The following MCM8 variants were observed in gnomAD, a reference collection of about 807,000 sequenced individuals.
MCM8 encodes minichromosome maintenance 8 homologous recombination repair factor.
Under a neutral mutation model 98.9 loss-of-function variants are expected in MCM8, and 85 were observed. The ratio of observed to expected loss-of-function variants is 0.86; its 90% CI spans 0.72 to 1.03. The LOEUF is 1.03. Ranked by LOEUF, MCM8 falls within the 50% of genes least tolerant of loss-of-function variation. MCM8 has a pLI of 0.00. For synonymous variants in MCM8, 352 were observed against 338.6 expected, an observed-to-expected ratio of 1.04 and a Z score of -0.44; for missense variants, 951 against 997.8, an observed-to-expected ratio of 0.95 and a Z score of 0.63.
At chr20:5,964,087 A>G (rs909390528) in intron 8 of MCM8, among the ~76,000 whole-genome samples, 3 of 149,656 alleles carry the variant, frequency 2.0e-5, no homozygotes, top group Non-Finnish European at 3.0e-5. Flanking sequence ...CAATGTTGCA[A>G]TGGGGCATTT....
chr20:5,976,313 A>G (rs1202720801), intron 12 of MCM8, among the ~76,000 whole-genome samples: 1 of 152,188 alleles, frequency 6.6e-6, no homozygotes, highest in African/African-American at 2.4e-5. Flanking sequence ...AGTCCCAGCT[A>G]CTAGGGAAGC....
chr20:5,994,981 G>T lies in MCM8; in HGVS notation c.*590G>T. ...AAATAAATTCTCCAAAGGGCTAAAA[G>T]TAAATTACTTATAAATTTTTTATAG... On this transcript the variant is annotated 3_prime_UTR_variant, in exon 19 of 19. Coordinates refer to ENST00000610722, the MANE Select transcript of MCM8 (RefSeq NM_032485.6). 1.1e-5 allele frequency: 2 copies of T among 174,244 alleles called. No homozygotes were observed. Among genetic ancestry groups the T allele is most frequent in the South Asian group, 1.1e-4 (1 of 8,934 alleles). The allele number at this position is 174,244 out of a possible 1,614,324, so 10.8% of individuals were successfully genotyped here. A position where few individuals can be genotyped will look rare whatever the true frequency, so the allele number is the denominator to read the frequency against.
intron 9 of MCM8, 98 bp from the exon 10 acceptor site, chr20:5,967,731 GT>G: frequency 7.4e-7 from 1 of 1,348,690 alleles, no homozygotes; most frequent in Non-Finnish European, 1.0e-6. Context: ...AAAAAAACAT[GT>G]ATTTGTAGCT....
At chr20:5,966,427 A>AT (rs2089275972) in intron 8 of MCM8, among the ~76,000 whole-genome samples, 1 of 151,760 alleles carries the variant, frequency 6.6e-6, no homozygotes, top group African/African-American at 2.4e-5. Context: ...TAAATGCTTG[A>AT]TTTTTATATA....
chr20:5,967,773 GTCA>G (rs745762158), intron 9 of MCM8, 54 bp from the exon 10 acceptor site: 735 of 1,420,006 alleles, frequency 5.2e-4, no homozygotes, highest in Admixed American at 7.8e-4. Context: ...TTCTAGTTGA[GTCA>G]TTGTAGGGAA....
At chr20:5,951,607 C>T (rs1482333145) in intron 1 of MCM8, among the ~76,000 whole-genome samples, 1 of 152,180 alleles carries the variant, frequency 6.6e-6, no homozygotes, top group African/African-American at 2.4e-5. Context: ...CCTAGTGTCT[C>T]ACAGGCCAGA....
rs1485857726 is a variant in MCM8, at chr20:5,996,882, A to C, written c.*2491A>C. 1.3e-5 allele frequency: 2 copies of C among 152,194 alleles called. No individual in the cohort carries two copies. Among genetic ancestry groups the C allele is most frequent in the Admixed American group, 1.3e-4 (2 of 15,268 alleles). 9.4% of individuals were successfully genotyped at this position (152,194 alleles called of 1,614,324 possible). On this transcript the variant is annotated 3_prime_UTR_variant, in exon 19 of 19. Coordinates refer to ENST00000610722, the MANE Select transcript of MCM8 (RefSeq NM_032485.6). The stretch of plus-strand genomic sequence containing the variant: ...TACAGTCCCTCCAACCACAAACCCC[A>C]ACATATAGTATTTCACTTCCTGCCC...
intron 12 of MCM8, among the ~76,000 whole-genome samples, chr20:5,975,960 G>A (rs1198761234): frequency 6.6e-6 from 1 of 152,014 alleles, no homozygotes; most frequent in African/African-American, 2.4e-5. Context: ...TAATGTTAGT[G>A]GAAATTAAAC....
At chr20:5,969,268 T>C (rs2089347167) in intron 10 of MCM8, among the ~76,000 whole-genome samples, 3 of 152,104 alleles carry the variant, frequency 2.0e-5, no homozygotes, top group Admixed American at 1.3e-4. Flanking sequence ...GGTAAAGAAC[T>C]GAGAACGTTT....
chr20:5,967,983 A>G lies in MCM8; in HGVS notation c.1181A>G (p.Gln394Arg). The change falls in exon 10 of 19, where the codon CAA becomes CGA. Residue 394 changes from glutamine (Q) to arginine (R), a missense_variant. By Grantham distance (43) the Gln-to-Arg change is conservative. Transcript: ENST00000610722. ...TCACTTAAAGACCTTTATGCCATCC[A>G]AGAGATTCAAGCTGAAGAAAACCTG... ...EFSLKDLYAI[Q>R]EIQAEENLFK... is the part of the protein sequence containing the mutation. The G allele has an allele frequency of 3.7e-6, 6 of 1,613,088 alleles. No homozygotes were observed. Among genetic ancestry groups the G allele is most frequent in the African/African-American group, 1.3e-5 (1 of 75,038 alleles).
chr20:5,966,675 CTT>C (rs1022907850), intron 8 of MCM8, among the ~76,000 whole-genome samples: 26 of 152,138 alleles, frequency 1.7e-4, no homozygotes, highest in African/African-American at 6.0e-4. Context: ...TCTCACAAGA[CTT>C]TACCTCTAAA....
In MCM8 at chr20:5,998,910, AG is replaced by A. The variant is rs1383899751; in HGVS notation, c.*4520del. ...AGTGCACCTATTGAATTCCATCATC[AG>A]TTTTTCTATACCATGGAGTTACTTA... On this transcript the variant is annotated 3_prime_UTR_variant, in exon 19 of 19. Transcript: ENST00000610722. 2 of 152,158 alleles carry A rather than the reference AG, an allele frequency of 1.3e-5. No individual in the cohort carries two copies. The highest frequency in any genetic ancestry group is 4.8e-5 in the African/African-American group (2 of 41,410). 9.4% of individuals were successfully genotyped at this position (152,158 alleles called of 1,614,324 possible).
intron 17 of MCM8, 22 bp from the exon 18 acceptor site, chr20:5,993,484 T>A (rs1300844131): frequency 6.7e-7 from 1 of 1,499,516 alleles, no homozygotes; most frequent in Non-Finnish European, 9.0e-7. Context: ...ATTGGGTAAT[T>A]TTTTCTTCCT....
rs78526651 is a variant in MCM8 at position 5,966,793 on chromosome 20, C to T, written c.876-643C>T. 0.014 allele frequency among the ~76,000 whole-genome samples: 2,112 copies of T among 152,268 alleles called. 154 individuals are homozygous for T. The East Asian group carries it at 0.23, about 17-fold the overall frequency. On this transcript the variant is annotated intron_variant, in intron 8 of 18. Transcript: ENST00000610722. ...AATGAAGAGTCTTTATTCTGAAGCTCTGATATTCTCACTGCACAGTTTAGC... is the reference window on the plus strand; with the variant it reads ...AATGAAGAGTCTTTATTCTGAAGCTTTGATATTCTCACTGCACAGTTTAGC...
intron 17 of MCM8, among the ~76,000 whole-genome samples, chr20:5,992,991 TAGAGAAAGC>T (rs2089884097): frequency 6.6e-6 from 1 of 152,138 alleles, no homozygotes; most frequent in Admixed American, 6.6e-5. Context: ...TTGTGAAAAT[TAGAGAAAGC>T]AGAAGAAATC....
chr20:5,968,039 C>T lies in MCM8; in HGVS notation c.1223+14C>T, dbSNP rs367820139. On this transcript the variant is annotated intron_variant, in intron 10 of 18. Transcript: ENST00000610722. The stretch of plus-strand genomic sequence containing the variant: ...ACTCATTGTCAAGTATGTATGCTGT[C>T]ATTTGAAATTTTATTACATAGATGC... 74 of 1,583,002 alleles carry T rather than the reference C, an allele frequency of 4.7e-5. No individual in the cohort carries two copies. Among genetic ancestry groups the T allele is most frequent in the Middle Eastern group, 1.7e-4 (1 of 5,920 alleles).
chr20:5,970,653 C>T (rs950923215), intron 10 of MCM8, among the ~76,000 whole-genome samples: 1 of 152,106 alleles, frequency 6.6e-6, no homozygotes, highest in African/African-American at 2.4e-5. Flanking sequence ...CAGTGAGTGC[C>T]AAGGGGATAT....
At chr20:5,960,718 C>A (rs935737971) in intron 7 of MCM8, among the ~76,000 whole-genome samples, 2 of 151,782 alleles carry the variant, frequency 1.3e-5, no homozygotes, top group Non-Finnish European at 2.9e-5. Context: ...GGCAGATCAC[C>A]TGAGGTCAGG....
chr20:5,965,901 G>C (rs2089265780), intron 8 of MCM8, among the ~76,000 whole-genome samples: 1 of 151,844 alleles, frequency 6.6e-6, no homozygotes, highest in African/African-American at 2.4e-5. Context: ...CCTTCTGCTT[G>C]AGTCTGGATC....
Sources: allele counts gnomAD v4.1 joint callset (sites outside exome capture counted in the v4.1 genomes callset), GRCh38; gene constraint gnomAD v4.1.1; transcripts MANE v1.5; gene names NCBI Gene and HGNC (gene_info 2026-07-23, HGNC 2026-07-21).